Variants in ATP2B2 observed in about 807,000 individuals in gnomAD.
ATP2B2 encodes plasma membrane calcium-transporting ATPase 2.
A neutral mutation model predicts 120.0 loss-of-function variants in ATP2B2; 15 were observed. That is an observed-to-expected ratio of 0.12 (90% CI 0.08 to 0.19). The LOEUF is 0.19. Ranked by LOEUF, ATP2B2 falls within the 10% of genes least tolerant of loss-of-function variation. The probability of loss-of-function intolerance (pLI) is 1.00; values close to 1 mark genes in which losing one functional copy is unlikely to be tolerated. For synonymous variants in ATP2B2, 694 were observed against 700.3 expected (o/e 0.99, Z 0.14); for missense variants, 1,045 against 1,719.8 (o/e 0.61, Z 6.94).
chr3:10,409,857 A>T (rs1559300418), intron 3 of ATP2B2, among the ~76,000 whole-genome samples: 1 of 152,230 alleles, frequency 6.6e-6, no homozygotes, highest in South Asian at 2.1e-4. Flanking sequence ...ATTCATTAGG[A>T]AATGTTGAAT....
intron 22 of ATP2B2, among the ~76,000 whole-genome samples, chr3:10,330,737 G>A (rs1354269569): frequency 6.6e-6 from 1 of 152,236 alleles, no homozygotes; most frequent in African/African-American, 2.4e-5. Context: ...TAGCTCCTTT[G>A]TGAAACCCTG....
At chr3:10,401,369 G>A (rs1184409764) in intron 4 of ATP2B2, among the ~76,000 whole-genome samples, 1 of 152,198 alleles carries the variant, frequency 6.6e-6, no homozygotes, top group Non-Finnish European at 1.5e-5. Flanking sequence ...TGAACTTGGA[G>A]TGCAGGTCTC....
At chr3:10,680,834 A>G (rs2071365198) in intron 1 of ATP2B2, among the ~76,000 whole-genome samples, 1 of 152,080 alleles carries the variant, frequency 6.6e-6, no homozygotes, top group South Asian at 2.1e-4. Flanking sequence ...CCCTCCTGAT[A>G]GAGTCTGGAT....
chr3:10,353,978 C>G (rs1336288795), intron 14 of ATP2B2, among the ~76,000 whole-genome samples: 3 of 152,218 alleles, frequency 2.0e-5, no homozygotes, highest in Non-Finnish European at 4.4e-5. Flanking sequence ...TTCCAATTCC[C>G]TTTTCTCTCA....
intron 5 of ATP2B2, among the ~76,000 whole-genome samples, chr3:10,398,102 A>C (rs2124946186): frequency 6.6e-6 from 1 of 152,286 alleles, no homozygotes; most frequent in African/African-American, 2.4e-5. Flanking sequence ...GGATCCTGAC[A>C]CTTGCTTTCT....
In ATP2B2 at chr3:10,401,023, A is replaced by T. The variant is rs753448558; in HGVS notation, c.711T>A (p.Asp237Glu). The T allele has an allele frequency of 1.2e-6, 2 of 1,614,052 alleles. No individual in the cohort carries two copies. The highest frequency in any genetic ancestry group is 2.7e-5 in the African/African-American group (2 of 74,918). The change falls in exon 5 of 23, where the codon GAT (aspartate) becomes GAA (glutamate). Residue 237 changes from aspartate (D) to glutamate (E), a missense_variant. By Grantham distance (45) the Asp-to-Glu change is conservative. Around this residue, in one of 11 missense-constraint regions of ATP2B2, gnomAD observed 145 missense variants for 202.0 expected, o/e 0.72. Coordinates refer to ENST00000360273, the MANE Select transcript of ATP2B2 (RefSeq NM_001001331.4). Reference protein sequence around the residue: ...LFIQGNDLKIDESSLTGESDQ... With the variant: ...LFIQGNDLKIEESSLTGESDQ... The stretch of plus-strand genomic sequence containing the variant: ...CAGACTCTCCAGTTAGGGAGCTTTC[A>T]TCAATCTTGAGGTCATTGCCCTGGA...
intron 8 of ATP2B2, among the ~76,000 whole-genome samples, chr3:10,383,937 C>T (rs1344083136): frequency 6.6e-6 from 1 of 152,172 alleles, no homozygotes; most frequent in Admixed American, 6.5e-5. Context: ...TGGGTGCCCC[C>T]TCTAGGTTCC....
intron 10 of ATP2B2, among the ~76,000 whole-genome samples, chr3:10,377,351 C>A (rs936368657): frequency 6.6e-6 from 1 of 152,168 alleles, no homozygotes; most frequent in Non-Finnish European, 1.5e-5. Context: ...CCCAGCTAGC[C>A]GGGAGCTGTC....
chr3:10,665,461 G>A (rs964541124), intron 1 of ATP2B2, among the ~76,000 whole-genome samples: 2 of 152,052 alleles, frequency 1.3e-5, no homozygotes, highest in Non-Finnish European at 2.9e-5. Context: ...CTCTCAGCAA[G>A]CACAACTTGA....
chr3:10,504,226 C>A (rs146398477), intron 1 of ATP2B2, among the ~76,000 whole-genome samples: 1 of 151,822 alleles, frequency 6.6e-6, no homozygotes, highest in Non-Finnish European at 1.5e-5. Context: ...GCTCCTTCAA[C>A]GAAGTTAACA....
rs182140945 is a variant in ATP2B2, at chr3:10,485,648, G to A, written c.-320+19817C>T. Among the ~76,000 whole-genome samples the A allele has an allele frequency of 3.2e-3, 480 of 152,336 alleles. 4 individuals carry two copies. The highest frequency in any genetic ancestry group is 0.011 in the African/African-American group (467 of 41,570). Reference sequence around the variant, plus strand: ...TCTCCAGAGAAGGGGGTGGTGACGCGGGAGTGGAGTGGGGAGAGAGCCTGT... The same window carrying A: ...TCTCCAGAGAAGGGGGTGGTGACGCAGGAGTGGAGTGGGGAGAGAGCCTGT... On this transcript the variant is annotated intron_variant, in intron 1 of 22. Transcript: ENST00000360273.
At chr3:10,557,032 G>T (rs1048685590) in intron 2 of ATP2B2, among the ~76,000 whole-genome samples, 1 of 152,152 alleles carries the variant, frequency 6.6e-6, no homozygotes, top group Admixed American at 6.5e-5. Flanking sequence ...CTGTGATGGT[G>T]GTGAAGCCCC....
At chr3:10,655,872 T>TA (rs1258805591) in intron 1 of ATP2B2, among the ~76,000 whole-genome samples, 1 of 152,228 alleles carries the variant, frequency 6.6e-6, no homozygotes, top group Non-Finnish European at 1.5e-5. Flanking sequence ...CAATTCAACG[T>TA]GCCTCCTCCT....
intron 18 of ATP2B2, among the ~76,000 whole-genome samples, chr3:10,344,015 G>A (rs2060358481): frequency 6.6e-6 from 1 of 151,842 alleles, no homozygotes; most frequent in African/African-American, 2.4e-5. Context: ...CCATATACCT[G>A]CATCCCTTCC....
chr3:10,657,496 A>G, intron 1 of ATP2B2, among the ~76,000 whole-genome samples: 1 of 152,218 alleles, frequency 6.6e-6, no homozygotes. Flanking sequence ...TGGGGCATTC[A>G]AGAAAGTGGC....
intron 2 of ATP2B2, among the ~76,000 whole-genome samples, chr3:10,609,119 C>T (rs2069160902): frequency 6.6e-6 from 1 of 152,236 alleles, no homozygotes; most frequent in Non-Finnish European, 1.5e-5. Context: ...ACAGCCATAG[C>T]CCTGGCACCA....
At chr3:10,615,039 T>C (rs1250396625) in intron 2 of ATP2B2, among the ~76,000 whole-genome samples, 2 of 152,010 alleles carry the variant, frequency 1.3e-5, no homozygotes, top group Non-Finnish European at 2.9e-5. Flanking sequence ...TGAGAAGCAT[T>C]GGAGACATGG....
intron 22 of ATP2B2, chr3:10,332,372 A>G: frequency 3.1e-6 from 1 of 320,296 alleles, no homozygotes; most frequent in East Asian, 4.8e-5. Context: ...CAGGACTTCC[A>G]CTGATAAACA....
intron 1 of ATP2B2, among the ~76,000 whole-genome samples, chr3:10,624,475 A>G (rs575897418): frequency 6.6e-6 from 1 of 152,014 alleles, no homozygotes; most frequent in South Asian, 2.1e-4. Flanking sequence ...TGAAGGAGGG[A>G]TTGTGCCTGG....
Sources: gnomAD v4.1 joint callset for allele counts (sites outside exome capture counted in the v4.1 genomes callset) on GRCh38, gnomAD v4.1.1 for gene constraint, gnomAD v4.1.1 regional missense constraint, MANE v1.5 for transcripts, NCBI Gene and HGNC (gene_info 2026-07-23, HGNC 2026-07-21) for gene names.